The following NTM variants were observed in gnomAD, a reference collection of about 807,000 sequenced individuals.
The protein encoded by NTM is neurotrimin.
In NTM, 13 loss-of-function variants were observed where a neutral mutation model predicts 42.1. The observed-to-expected ratio is 0.31, with a 90% CI of 0.20 to 0.49. The LOEUF (loss-of-function observed/expected upper bound fraction) is 0.49, where lower values mean the gene tolerates loss of function less well. Among genes scored for constraint, NTM ranks in the 20% least tolerant of loss-of-function variants. The pLI is 0.99. For missense variants in NTM, 373 were observed against 452.8 expected (o/e 0.82, Z 1.60); for synonymous variants, 187 against 179.2 (o/e 1.04, Z -0.35).
chr11:131,491,339 A>G (rs1277557699), intron 1 of NTM, among the ~76,000 whole-genome samples: 1 of 152,172 alleles, frequency 6.6e-6, no homozygotes, highest in Admixed American at 6.5e-5. Flanking sequence ...GAATATAGGA[A>G]AATATTACAG....
chr11:131,751,205 G>A (rs2082458486), intron 1 of NTM, among the ~76,000 whole-genome samples: 2 of 152,110 alleles, frequency 1.3e-5, no homozygotes, highest in African/African-American at 4.8e-5. Flanking sequence ...GCAGGCCAAG[G>A]CAGGCGGATC....
At chr11:131,447,004 A>C (rs764138386) in intron 1 of NTM, among the ~76,000 whole-genome samples, 18 of 150,494 alleles carry the variant, frequency 1.2e-4, no homozygotes, top group Non-Finnish European at 2.4e-4. Flanking sequence ...TGGAATATGC[A>C]TATGACTGTG....
chr11:132,231,479 A>G (rs908678445), intron 4 of NTM, among the ~76,000 whole-genome samples: 4 of 152,182 alleles, frequency 2.6e-5, no homozygotes, highest in Admixed American at 6.5e-5. Flanking sequence ...TACAATTAGC[A>G]GCCTCCAATT....
intron 1 of NTM, among the ~76,000 whole-genome samples, chr11:131,416,631 G>T (rs1398692824): frequency 6.6e-6 from 1 of 152,234 alleles, no homozygotes; most frequent in Non-Finnish European, 1.5e-5. Context: ...CTTCCATTGT[G>T]TGTGGGGACA....
intron 1 of NTM, among the ~76,000 whole-genome samples, chr11:131,757,404 A>G (rs1051698738): frequency 6.6e-6 from 1 of 152,214 alleles, no homozygotes. Flanking sequence ...CTTCAACGAT[A>G]TACCAGGTCA....
chr11:132,184,497 G>T (rs1326272218), intron 3 of NTM, among the ~76,000 whole-genome samples: 2 of 152,122 alleles, frequency 1.3e-5, no homozygotes, highest in Admixed American at 6.5e-5. Flanking sequence ...GTGGAGAGCT[G>T]CTTCTTTTTT....
At chr11:131,660,108 G>A (rs1412843879) in intron 1 of NTM, 1 of 181,168 alleles carries the variant, frequency 5.5e-6, no homozygotes, top group Non-Finnish European at 1.2e-5. Context: ...GTTGCATGAA[G>A]ACAGGGAGCC....
chr11:131,835,809 G>T (rs1176466847), intron 1 of NTM, among the ~76,000 whole-genome samples: 1 of 152,140 alleles, frequency 6.6e-6, no homozygotes, highest in Non-Finnish European at 1.5e-5. Context: ...CAAACTGGAA[G>T]CCACACAAAC....
intron 2 of NTM, among the ~76,000 whole-genome samples, chr11:131,935,856 G>A (rs947753288): frequency 6.6e-6 from 1 of 152,112 alleles, no homozygotes; most frequent in Non-Finnish European, 1.5e-5. Context: ...GGAAGACAGT[G>A]GCAAATCTCA....
At chr11:132,319,869 G>C (rs922267343) in intron 7 of NTM, among the ~76,000 whole-genome samples, 3 of 152,198 alleles carry the variant, frequency 2.0e-5, no homozygotes, top group African/African-American at 7.2e-5. Flanking sequence ...GCACCCCCCA[G>C]TAGGGGCAGA....
At chr11:131,944,634 TCTC>T (rs1217219450) in intron 2 of NTM, among the ~76,000 whole-genome samples, 2 of 152,338 alleles carry the variant, frequency 1.3e-5, no homozygotes, top group Admixed American at 6.5e-5. Context: ...ATGCACTTCA[TCTC>T]CTCCTGTTTA....
intron 1 of NTM, among the ~76,000 whole-genome samples, chr11:131,593,385 C>T (rs764222628): frequency 2.6e-5 from 4 of 152,214 alleles, no homozygotes; most frequent in Non-Finnish European, 4.4e-5. Context: ...CGAGCATCTT[C>T]TGGAGACAGG....
intron 1 of NTM, among the ~76,000 whole-genome samples, chr11:131,424,600 C>CTTTCTTTTTTTTTTTTTTTTTTT (rs1947878678): frequency 1.8e-5 from 1 of 56,040 alleles, no homozygotes; most frequent in African/African-American, 7.3e-5. Context: ...CTTTTCTTTT[C>CTTTCTTTTTTTTTTTTTTTTTTT]TTTTTTTTTT....
intron 1 of NTM, among the ~76,000 whole-genome samples, chr11:131,789,627 AGAAGAAGAAAAG>A (rs2090444628): frequency 2.2e-5 from 2 of 90,744 alleles, no homozygotes; most frequent in African/African-American, 4.4e-5. Flanking sequence ...AAGAAGAAGA[AGAAGAAGAAAAG>A]AAGAAGAAGA....
intron 1 of NTM, among the ~76,000 whole-genome samples, chr11:131,415,462 T>C (rs544835033): frequency 6.6e-6 from 1 of 152,374 alleles, no homozygotes; most frequent in African/African-American, 2.4e-5. Context: ...TCCATATTGC[T>C]TGAGAATATA....
At chr11:132,063,001 A>G (rs1443102940) in intron 2 of NTM, among the ~76,000 whole-genome samples, 1 of 152,166 alleles carries the variant, frequency 6.6e-6, no homozygotes, top group Admixed American at 6.5e-5. Flanking sequence ...GCAAAATACC[A>G]TAGACTGGGT....
chr11:132,254,960 C>A (rs574049811), intron 4 of NTM, among the ~76,000 whole-genome samples: 1 of 152,342 alleles, frequency 6.6e-6, no homozygotes, highest in South Asian at 2.1e-4. Flanking sequence ...TTGTGATAAA[C>A]AAAAATGTCC....
intron 1 of NTM, among the ~76,000 whole-genome samples, chr11:131,680,410 G>T: frequency 2.0e-5 from 3 of 147,048 alleles, no homozygotes; most frequent in Admixed American, 6.8e-5. Flanking sequence ...CGTCTGTGTA[G>T]GCATGTGTGC....
Position 131,785,031 on chromosome 11 carries a change from T to C in NTM, c.83-126533T>C, listed in dbSNP as rs2088886857. ...TTTAAAATCTTCCTTACTGTGTGTG[T>C]GCGTGTGTGTGTCTGTGTGGGTACA... On this transcript the variant is annotated intron_variant, in intron 1 of 8. Transcript: ENST00000683400. Among the ~76,000 whole-genome samples, 6 of 152,308 alleles carry C rather than the reference T, an allele frequency of 3.9e-5. No homozygotes were observed. In the South Asian group the frequency reaches 1.2e-3, roughly 32 times the overall value.
Sources: gnomAD v4.1 joint callset for allele counts (sites outside exome capture counted in the v4.1 genomes callset) on GRCh38, gnomAD v4.1.1 for gene constraint, MANE v1.5 for transcripts, NCBI Gene and HGNC (gene_info 2026-07-23, HGNC 2026-07-21) for gene names.